Variants in JADE3 observed in about 807,000 individuals in gnomAD.
JADE3 encodes the protein jade family PHD finger 3, also known as protein Jade-3.
In JADE3, 2 loss-of-function variants were observed where a neutral mutation model predicts 50.1. That is an observed-to-expected ratio of 0.04 (90% confidence interval 0.02 to 0.13). The LOEUF is 0.13. Among genes scored for constraint, JADE3 ranks in the 10% least tolerant of loss-of-function variants. The probability of loss-of-function intolerance (pLI) is 1.00; values close to 1 mark genes in which losing one functional copy is unlikely to be tolerated. For missense variants in JADE3, 475 were observed against 634.4 expected (o/e 0.75, Z 2.70); for synonymous variants, 218 against 232.9 (o/e 0.94, Z 0.58).
intron 1 of JADE3, among the ~76,000 whole-genome samples, chrX:46,925,502 AAC>A (rs1309508205): frequency 1.8e-5 from 2 of 112,030 alleles, no homozygotes; most frequent in African/African-American, 3.2e-5. Context: ...GTAAATGGGA[AAC>A]ACAGAAATTA....
At position 47,059,797 on chromosome X, in the gene JADE3, A is replaced by G. The variant is rs2072356483; in HGVS notation, c.*720A>G. ...TACAAAAGTACTACTTCCAAGGAAA[A>G]TGCTCTGATTCTCTGTTTAGGCATT... On this transcript the variant is annotated 3_prime_UTR_variant, in exon 11 of 11. Coordinates refer to ENST00000614628, the MANE Select transcript of JADE3 (RefSeq NM_014735.5). 1 of 112,167 alleles carries G rather than the reference A, an allele frequency of 8.9e-6. No homozygotes were observed. The highest frequency in any genetic ancestry group is 3.7e-4 in the South Asian group (1 of 2,682). 9.2% of individuals were successfully genotyped at this position (112,167 alleles called of 1,213,427 possible).
chrX:47,040,579 A>G (rs1929235345), intron 8 of JADE3, among the ~76,000 whole-genome samples: 1 of 111,914 alleles, frequency 8.9e-6, no homozygotes, highest in Non-Finnish European at 1.9e-5. Flanking sequence ...TAGTTATTTC[A>G]TTATATATTA....
intron 1 of JADE3, among the ~76,000 whole-genome samples, chrX:46,938,851 G>C (rs373492869): frequency 9.0e-6 from 1 of 111,670 alleles, no homozygotes; most frequent in African/African-American, 3.3e-5. Context: ...TTTTTGAGAC[G>C]GAGTCTCGCT....
rs1184060608 is a variant in JADE3, at chrX:47,061,065, T to C, written c.*1988T>C. 1 of 112,183 alleles carries C rather than the reference T, an allele frequency of 8.9e-6. No individual in the cohort carries two copies. Among genetic ancestry groups the C allele is most frequent in the African/African-American group, 3.2e-5 (1 of 30,798 alleles). 9.2% of individuals were successfully genotyped at this position (112,183 alleles called of 1,213,427 possible). On this transcript the variant is annotated 3_prime_UTR_variant, in exon 11 of 11. Transcript: ENST00000614628. ...AAATGAAGGAGCCTTCAGTTGTAAA[T>C]TTCAATTACCCCAAAATGTATTTGC... is the stretch of plus-strand genomic sequence containing the variant.
intron 1 of JADE3, among the ~76,000 whole-genome samples, chrX:46,950,352 A>G (rs1445907352): frequency 8.9e-6 from 1 of 112,408 alleles, no homozygotes; most frequent in African/African-American, 3.2e-5. Context: ...CTGCCATTGT[A>G]GATGTGGACA....
intron 1 of JADE3, among the ~76,000 whole-genome samples, chrX:46,931,951 T>C (rs1280954062): frequency 8.9e-6 from 1 of 112,065 alleles, no homozygotes; most frequent in Non-Finnish European, 1.9e-5. Flanking sequence ...AGCATTCTTG[T>C]ACTAGAAGAT....
intron 1 of JADE3, among the ~76,000 whole-genome samples, chrX:46,949,079 A>G (rs1033270339): frequency 1.8e-5 from 2 of 110,579 alleles, no homozygotes; most frequent in Non-Finnish European, 3.8e-5. Flanking sequence ...GACTACAGGT[A>G]CATGCCACCA....
intron 5 of JADE3, among the ~76,000 whole-genome samples, chrX:47,025,875 C>T (rs782289671): frequency 4.5e-5 from 5 of 111,591 alleles, no homozygotes; most frequent in South Asian, 3.8e-4. Flanking sequence ...CTTTTCTTCC[C>T]GCCCTCCCTT....
At chrX:46,991,573 A>G (rs1556355978) in intron 3 of JADE3, among the ~76,000 whole-genome samples, 1 of 111,633 alleles carries the variant, frequency 9.0e-6, no homozygotes, top group African/African-American at 3.3e-5. Context: ...CTATACACAT[A>G]GGAGTGGAAT....
chrX:47,004,506 C>G (rs2147140580), intron 4 of JADE3, among the ~76,000 whole-genome samples: 1 of 112,168 alleles, frequency 8.9e-6, no homozygotes, highest in South Asian at 3.7e-4. Flanking sequence ...TCACGGCTCA[C>G]TGCAGCCTCA....
intron 1 of JADE3, among the ~76,000 whole-genome samples, chrX:46,981,201 T>G (rs1556352976): frequency 8.9e-6 from 1 of 112,236 alleles, no homozygotes; most frequent in Admixed American, 9.4e-5. Context: ...TTATGTAGTT[T>G]TAAGCCACTG....
At chrX:47,015,805 G>T (rs868973373) in intron 4 of JADE3, among the ~76,000 whole-genome samples, 1 of 94,110 alleles carries the variant, frequency 1.1e-5, no homozygotes, top group Non-Finnish European at 2.0e-5. Context: ...CTGCAGCCTC[G>T]ATCTCCCAGG....
chrX:46,933,751 C>CA (rs1926546561), intron 1 of JADE3, among the ~76,000 whole-genome samples: 1 of 110,856 alleles, frequency 9.0e-6, no homozygotes, highest in Non-Finnish European at 1.9e-5. Context: ...TATTTAAAAA[C>CA]AAAAAATCTA....
rs782213363 is a variant in JADE3 at position 47,043,249 on chromosome X, G to A, written c.972+4184G>A. ...CTGGAAAGTCTTCCGAAGAAGGATG[G>A]ATACAAACAAGCCCAGACTGCAAAG... On this transcript the variant is annotated intron_variant, in intron 8 of 10. Coordinates refer to ENST00000614628, the MANE Select transcript of JADE3 (RefSeq NM_014735.5). Among the ~76,000 whole-genome samples the A allele has an allele frequency of 3.6e-5, 4 of 111,951 alleles. No individual in the cohort carries two copies. The East Asian group carries it at 8.4e-4, about 24-fold the overall frequency.
At chrX:46,987,821 A>G (rs949454989) in intron 3 of JADE3, among the ~76,000 whole-genome samples, 3 of 112,149 alleles carry the variant, frequency 2.7e-5, no homozygotes, top group African/African-American at 6.5e-5. Flanking sequence ...TGGTAATAGT[A>G]GTCTTTTTTG....
chrX:46,963,063 T>C (rs1365006962), intron 1 of JADE3, among the ~76,000 whole-genome samples: 4 of 111,450 alleles, frequency 3.6e-5, no homozygotes, highest in Non-Finnish European at 7.5e-5. Flanking sequence ...GGTCTCGAAC[T>C]CCTGACCTTG....
At chrX:46,922,261 C>G (rs1305183748) in intron 1 of JADE3, among the ~76,000 whole-genome samples, 2 of 111,556 alleles carry the variant, frequency 1.8e-5, no homozygotes, top group Non-Finnish European at 3.8e-5. Context: ...CCTCTGACTA[C>G]TTTGAAGATT....
At chrX:46,942,405 G>A (rs902823860) in intron 1 of JADE3, among the ~76,000 whole-genome samples, 2 of 112,003 alleles carry the variant, frequency 1.8e-5, no homozygotes, top group Admixed American at 1.9e-4. Context: ...AAAGGTAAGG[G>A]TTCAGTTTCT....
At chrX:46,978,611 T>C (rs1927675032) in intron 1 of JADE3, among the ~76,000 whole-genome samples, 1 of 111,038 alleles carries the variant, frequency 9.0e-6, no homozygotes, top group African/African-American at 3.3e-5. Flanking sequence ...TTGGAGTGGA[T>C]TGGGGGGAAC....
Sources: gnomAD v4.1 joint callset for allele counts (sites outside exome capture counted in the v4.1 genomes callset) on GRCh38, gnomAD v4.1.1 for gene constraint, MANE v1.5 for transcripts, NCBI Gene and HGNC (gene_info 2026-07-23, HGNC 2026-07-21) for gene names.